The following NELL1 variants were observed in gnomAD, a reference collection of about 807,000 sequenced individuals.
NELL1 encodes protein kinase C-binding protein NELL1.
Under a neutral mutation model 107.4 loss-of-function variants are expected in NELL1, and 76 were observed. That is an observed-to-expected ratio of 0.71 (90% CI 0.59 to 0.86). The LOEUF (loss-of-function observed/expected upper bound fraction) is 0.86, where lower values mean the gene tolerates loss of function less well. Among genes scored for constraint, NELL1 ranks in the 40% least tolerant of loss-of-function variants. The pLI is 0.00. For synonymous variants in NELL1, 353 were observed against 341.2 expected (o/e 1.03, Z -0.38); for missense variants, 1,024 against 1,005.5 (o/e 1.02, Z -0.25).
intron 16 of NELL1, among the ~76,000 whole-genome samples, chr11:21,546,173 T>C (rs1328499039): frequency 1.3e-5 from 2 of 152,018 alleles, no homozygotes; most frequent in Non-Finnish European, 2.9e-5. Context: ...CAGTTACCAC[T>C]CTGACTCTGA....
intron 1 of NELL1, chr11:20,674,367 C>A: frequency 1.4e-6 from 1 of 735,564 alleles, no homozygotes; most frequent in South Asian, 1.7e-5. Context: ...CTGGGCACCA[C>A]CTATGTGCCA....
intron 15 of NELL1, among the ~76,000 whole-genome samples, chr11:21,517,304 T>C (rs1210644097): frequency 2.0e-5 from 3 of 152,144 alleles, no homozygotes; most frequent in African/African-American, 7.2e-5. Context: ...ACAGCGTTGG[T>C]CTAAATGACA....
chr11:20,689,764 A>G (rs1854410529), intron 2 of NELL1, among the ~76,000 whole-genome samples: 1 of 151,776 alleles, frequency 6.6e-6, no homozygotes, highest in South Asian at 2.1e-4. Flanking sequence ...GTGTGTCTTT[A>G]TAGCAGCATG....
intron 12 of NELL1, among the ~76,000 whole-genome samples, chr11:20,987,731 A>G (rs1851881825): frequency 6.6e-6 from 1 of 152,210 alleles, no homozygotes; most frequent in African/African-American, 2.4e-5. Flanking sequence ...ACCATATCAG[A>G]AACTTAAATT....
chr11:20,962,788 A>G (rs1590468474), intron 12 of NELL1, among the ~76,000 whole-genome samples: 1 of 152,130 alleles, frequency 6.6e-6, no homozygotes, highest in East Asian at 1.9e-4. Flanking sequence ...TTGTGGTGCT[A>G]TTGCGGTTGG....
In NELL1 at chr11:20,710,723, A is replaced by G. The variant is rs958176986; in HGVS notation, c.184+32663A>G. Among the ~76,000 whole-genome samples, 17 of 151,768 alleles carry G rather than the reference A, an allele frequency of 1.1e-4. 1 individual carries two copies. The highest frequency in any genetic ancestry group is 3.1e-4 in the African/African-American group (13 of 41,426). On this transcript the variant is annotated intron_variant, in intron 2 of 19. Coordinates refer to ENST00000357134, the MANE Select transcript of NELL1 (RefSeq NM_006157.5). ...TACTGTTTCAATCTTGCTACTTGTT[A>G]TTGGTCTCTTCAGTTTCTATTTCTT...
intron 17 of NELL1, 43 bp downstream of exon 17, chr11:21,560,425 T>C: frequency 6.7e-7 from 1 of 1,498,040 alleles, no homozygotes; most frequent in South Asian, 1.4e-5. Flanking sequence ...CTGTTCTTTC[T>C]CTTCTTCCCT....
chr11:20,702,573 T>A (rs1854822396), intron 2 of NELL1, among the ~76,000 whole-genome samples: 1 of 152,128 alleles, frequency 6.6e-6, no homozygotes, highest in Non-Finnish European at 1.5e-5. Flanking sequence ...AGAGAGGGCA[T>A]CCCTCTCTTG....
chr11:21,159,436 G>A (rs1255586997), intron 13 of NELL1, among the ~76,000 whole-genome samples: 1 of 152,194 alleles, frequency 6.6e-6, no homozygotes, highest in African/African-American at 2.4e-5. Flanking sequence ...CCTTAGGAAT[G>A]ATCTTATTAG....
chr11:21,381,300 AG>A (rs1307417140), intron 15 of NELL1, among the ~76,000 whole-genome samples: 1 of 151,968 alleles, frequency 6.6e-6, no homozygotes, highest in African/African-American at 2.4e-5. Context: ...TAAACAAAAA[AG>A]GGGTGAAGAG....
chr11:20,736,738 C>A (rs1392845921), intron 2 of NELL1, among the ~76,000 whole-genome samples: 2 of 151,328 alleles, frequency 1.3e-5, no homozygotes. Context: ...ACCCTCCTCC[C>A]CTCCCCCTCC....
chr11:21,353,756 A>C (rs1015518296), intron 14 of NELL1, among the ~76,000 whole-genome samples: 1 of 152,180 alleles, frequency 6.6e-6, no homozygotes, highest in African/African-American at 2.4e-5. Context: ...GCTCTTTTGA[A>C]TTCTTTATTT....
At chr11:21,405,001 A>G (rs1590905670) in intron 15 of NELL1, among the ~76,000 whole-genome samples, 1 of 152,020 alleles carries the variant, frequency 6.6e-6, no homozygotes, top group South Asian at 2.1e-4. Flanking sequence ...CTGTCTTTTC[A>G]TATCTGTAAT....
At chr11:20,890,736 T>C (rs553700572) in intron 5 of NELL1, among the ~76,000 whole-genome samples, 3 of 151,566 alleles carry the variant, frequency 2.0e-5, no homozygotes, top group Non-Finnish European at 4.4e-5. Flanking sequence ...AATAGCTGAA[T>C]TGACCAAGCA....
intron 13 of NELL1, among the ~76,000 whole-genome samples, chr11:21,224,050 C>T (rs1590748461): frequency 6.6e-6 from 1 of 152,204 alleles, no homozygotes; most frequent in African/African-American, 2.4e-5. Flanking sequence ...ATGGCATATC[C>T]TTATATGTGA....
At chr11:20,917,772 G>T (rs539657760) in intron 5 of NELL1, among the ~76,000 whole-genome samples, 1 of 151,788 alleles carries the variant, frequency 6.6e-6, no homozygotes, top group Admixed American at 6.6e-5. Context: ...TATTTCCTTC[G>T]CTAAATGAAT....
chr11:21,164,483 CT>C (rs1223838047), intron 13 of NELL1, among the ~76,000 whole-genome samples: 3 of 152,020 alleles, frequency 2.0e-5, no homozygotes, highest in Admixed American at 1.3e-4. Flanking sequence ...GTGTTTGTTC[CT>C]TTATTGACCT....
At chr11:20,953,495 G>A (rs537776417) in intron 11 of NELL1, among the ~76,000 whole-genome samples, 2 of 152,170 alleles carry the variant, frequency 1.3e-5, no homozygotes, top group South Asian at 4.2e-4. Flanking sequence ...GTGTGGGGGG[G>A]CCTCAGTGTA....
intron 2 of NELL1, among the ~76,000 whole-genome samples, chr11:20,712,111 A>G (rs543669761): frequency 3.9e-5 from 6 of 152,266 alleles, no homozygotes; most frequent in Non-Finnish European, 8.8e-5. Flanking sequence ...GTCATATAAC[A>G]TATTCCCATA....
Sources: allele counts gnomAD v4.1 joint callset (sites outside exome capture counted in the v4.1 genomes callset), GRCh38; gene constraint gnomAD v4.1.1; transcripts MANE v1.5; gene names NCBI Gene and HGNC (gene_info 2026-07-23, HGNC 2026-07-21).